The following CCDC30 variants were observed in gnomAD, a reference collection of about 807,000 sequenced individuals.
CCDC30 encodes the protein coiled-coil domain containing 30.
Under a neutral mutation model 100.2 loss-of-function variants are expected in CCDC30, and 70 were observed. That is an observed-to-expected ratio of 0.70 (90% CI 0.58 to 0.85). CCDC30 has a LOEUF of 0.85. CCDC30 is among the 40% of genes least tolerant of loss of function. CCDC30 has a pLI of 0.00. For synonymous variants in CCDC30, 233 were observed against 269.5 expected (o/e 0.86, Z 1.33); for missense variants, 652 against 771.2 (o/e 0.85, Z 1.83).
intron 7 of CCDC30, among the ~76,000 whole-genome samples, chr1:42,572,594 A>G (rs969719649): frequency 4.6e-5 from 7 of 152,084 alleles, no homozygotes; most frequent in African/African-American, 1.7e-4. Context: ...ATTCTACATT[A>G]ACATTTATTT....
chr1:42,642,166 C>T (rs981532040), intron 12 of CCDC30, among the ~76,000 whole-genome samples: 3 of 151,774 alleles, frequency 2.0e-5, no homozygotes, highest in Non-Finnish European at 4.4e-5. Context: ...GTGGAGCTTG[C>T]AGTGAGCAGA....
chr1:42,553,999 A>G lies in CCDC30; in HGVS notation c.457-12297A>G, dbSNP rs539700592. Among the ~76,000 whole-genome samples the G allele has an allele frequency of 4.8e-3, 545 of 113,660 alleles. 3 individuals carry two copies. Among genetic ancestry groups the G allele is most frequent in the African/African-American group, 0.015 (519 of 34,352 alleles). The allele number at this position is 113,660 out of a possible 152,430, so 74.6% of individuals were successfully genotyped here. A position where few individuals can be genotyped will look rare whatever the true frequency, so the allele number is the denominator to read the frequency against. On this transcript the variant is annotated intron_variant, in intron 6 of 16. Coordinates refer to ENST00000668663, the Ensembl canonical transcript of CCDC30. ...CTTTTTCTAGACATTTTCCCATAGT[A>G]TATATATATATGTATGTATGTGTGT... is the stretch of plus-strand genomic sequence containing the variant.
At chr1:42,637,288 G>T in exon 12 of CCDC30, 1 of 1,582,290 alleles carries the variant, frequency 6.3e-7, no homozygotes, top group Non-Finnish European at 8.5e-7. Context: ...AAAAAGTCAA[G>T]TATCGTTTAA....
intron 8 of CCDC30, chr1:42,580,740 G>A (rs1292439465): frequency 2.7e-6 from 1 of 376,566 alleles, no homozygotes; most frequent in Non-Finnish European, 5.2e-6. Context: ...CATATTTTTA[G>A]TTCTCCCAGA....
chr1:42,542,546 T>C (rs865790908), intron 6 of CCDC30, among the ~76,000 whole-genome samples: 1,899 of 97,110 alleles, frequency 0.02, 140 homozygotes, highest in African/African-American at 0.062. Context: ...TTTCTTTTTT[T>C]TTTTTTTTTT....
At chr1:42,542,969 G>A (rs998987354) in intron 6 of CCDC30, 1 of 153,000 alleles carries the variant, frequency 6.5e-6, no homozygotes, top group Non-Finnish European at 1.5e-5. Flanking sequence ...TGACCACAAA[G>A]ATTAGTGATT....
At chr1:42,522,249 C>A (rs1010474991) in intron 6 of CCDC30, among the ~76,000 whole-genome samples, 2 of 151,934 alleles carry the variant, frequency 1.3e-5, no homozygotes, top group Non-Finnish European at 2.9e-5. Flanking sequence ...AGATATGGAA[C>A]CCACAGATGC....
chr1:42,551,979 T>C (rs1645261457), intron 6 of CCDC30, among the ~76,000 whole-genome samples: 1 of 151,980 alleles, frequency 6.6e-6, no homozygotes, highest in African/African-American at 2.4e-5. Context: ...TTGCCCAGGC[T>C]GGTCTCGAAC....
intron 11 of CCDC30, among the ~76,000 whole-genome samples, chr1:42,629,050 A>C (rs922405887): frequency 6.6e-6 from 1 of 152,232 alleles, no homozygotes; most frequent in African/African-American, 2.4e-5. Flanking sequence ...CTTTCTACTT[A>C]AGAGTAGTTT....
intron 15 of CCDC30, among the ~76,000 whole-genome samples, chr1:42,650,917 C>T (rs769405330): frequency 3.3e-5 from 5 of 152,112 alleles, no homozygotes; most frequent in African/African-American, 4.8e-5. Context: ...TGTCAGACAC[C>T]ACACCTGGCC....
chr1:42,619,531 T>C (rs547165379), intron 11 of CCDC30, among the ~76,000 whole-genome samples: 24 of 152,260 alleles, frequency 1.6e-4, no homozygotes, highest in African/African-American at 5.3e-4. Flanking sequence ...ATCTTGAGAT[T>C]ACAGAAAGAA....
At chr1:42,631,720 G>A (rs1028278396) in intron 11 of CCDC30, among the ~76,000 whole-genome samples, 28 of 152,086 alleles carry the variant, frequency 1.8e-4, no homozygotes, top group South Asian at 4.1e-4. Flanking sequence ...CTTTCTTCCC[G>A]TTTCCAAAGG....
intron 6 of CCDC30, among the ~76,000 whole-genome samples, chr1:42,553,551 G>A (rs993576802): frequency 4.6e-5 from 7 of 151,810 alleles, no homozygotes; most frequent in Non-Finnish European, 7.4e-5. Context: ...AGCAACTCAG[G>A]AGGCTGAGGC....
chr1:42,515,143 G>C (rs1644535816), intron 6 of CCDC30, among the ~76,000 whole-genome samples: 1 of 150,816 alleles, frequency 6.6e-6, no homozygotes, highest in Non-Finnish European at 1.5e-5. Context: ...TGTGAAGACA[G>C]TCATACACAG....
At position 42,646,121 on chromosome 1, in the gene CCDC30, GT is replaced by G; in HGVS notation, c.1672-9del. On this transcript the variant is annotated splice_polypyrimidine_tract_variant and intron_variant, in intron 14 of 16. Coordinates refer to ENST00000668663, the Ensembl canonical transcript of CCDC30. ...TATTGAAATAAATAACTCCAAAATTGTTTTTAAACTTAGAATCTTAAGGAGT... is the reference window on the plus strand; with the variant it reads ...TATTGAAATAAATAACTCCAAAATTGTTTTAAACTTAGAATCTTAAGGAGT... 1.9e-6 allele frequency: 3 copies of G among 1,557,352 alleles called. No homozygotes were observed. The South Asian group carries it at 3.7e-5, about 19-fold the overall frequency.
intron 4 of CCDC30, among the ~76,000 whole-genome samples, chr1:42,491,150 A>T (rs1340665274): frequency 1.3e-5 from 2 of 152,262 alleles, no homozygotes; most frequent in African/African-American, 4.8e-5. Flanking sequence ...CTTTCTTAGT[A>T]ATTAATAGTA....
At chr1:42,552,149 A>G (rs1322423593) in intron 6 of CCDC30, among the ~76,000 whole-genome samples, 1 of 152,132 alleles carries the variant, frequency 6.6e-6, no homozygotes, top group East Asian at 1.9e-4. Flanking sequence ...AAATCCCTGT[A>G]TTCCCAGGTA....
At chr1:42,545,088 T>A (rs1352346834) in intron 6 of CCDC30, among the ~76,000 whole-genome samples, 1 of 149,620 alleles carries the variant, frequency 6.7e-6, no homozygotes, top group East Asian at 1.9e-4. Flanking sequence ...ATCACATATT[T>A]GTGCTTGTTA....
At chr1:42,566,183 A>C (rs981253718) in intron 6 of CCDC30, 113 bp from the exon 11 acceptor site, 1 of 783,494 alleles carries the variant, frequency 1.3e-6, no homozygotes, top group African/African-American at 1.7e-5. Context: ...CTCCAAAAAC[A>C]TTTACATGTG....
Sources: gnomAD v4.1 joint callset for allele counts (sites outside exome capture counted in the v4.1 genomes callset) on GRCh38, gnomAD v4.1.1 for gene constraint, MANE v1.5 for transcripts, NCBI Gene and HGNC (gene_info 2026-07-23, HGNC 2026-07-21) for gene names.